GRIK2: variants seen among roughly 807,000 people sequenced by gnomAD.
GRIK2 encodes the protein glutamate receptor ionotropic, kainate 2.
In GRIK2, 32 loss-of-function variants were observed where a neutral mutation model predicts 100.3. That is an observed-to-expected ratio of 0.32 (90% CI 0.24 to 0.43). The LOEUF (loss-of-function observed/expected upper bound fraction) is 0.43, where lower values mean the gene tolerates loss of function less well. Ranked by LOEUF, GRIK2 falls within the 20% of genes least tolerant of loss-of-function variation. The probability of loss-of-function intolerance (pLI) is 1.00; values close to 1 mark genes in which losing one functional copy is unlikely to be tolerated. For missense variants in GRIK2, 843 were observed against 1,114.9 expected (o/e 0.76, Z 3.47); for synonymous variants, 417 against 389.4 (o/e 1.07, Z -0.83).
chr6:102,069,103 T>A lies in GRIK2; in HGVS notation c.*592T>A, dbSNP rs1002271182. 2 of 151,188 alleles carry A rather than the reference T, an allele frequency of 1.3e-5. No homozygotes were observed. The allele number at this position is 151,188 out of a possible 1,614,324, so 9.4% of individuals were successfully genotyped here. On this transcript the variant is annotated 3_prime_UTR_variant, in exon 17 of 17. Transcript: ENST00000369134. ...CATGGCAGTTGGAATATAAAGCAGA[T>A]GTTCATCACTTATTTTCCTTTTTTC...
intron 4 of GRIK2, among the ~76,000 whole-genome samples, chr6:101,663,478 C>T (rs959735428): frequency 6.6e-6 from 1 of 152,090 alleles, no homozygotes; most frequent in African/African-American, 2.4e-5. Context: ...GTCAGTCACA[C>T]CGCCAGGATA....
intron 14 of GRIK2, among the ~76,000 whole-genome samples, chr6:101,936,119 G>A (rs144145530): frequency 1.3e-5 from 2 of 151,656 alleles, no homozygotes; most frequent in East Asian, 3.9e-4. Context: ...AGCTTGATGT[G>A]GTTGATCACC....
At chr6:101,441,972 A>G (rs975613434) in intron 2 of GRIK2, among the ~76,000 whole-genome samples, 2 of 152,114 alleles carry the variant, frequency 1.3e-5, no homozygotes, top group African/African-American at 4.8e-5. Context: ...ACAAAAAAAA[A>G]AAAAGGGGTG....
intron 2 of GRIK2, among the ~76,000 whole-genome samples, chr6:101,591,844 A>T (rs1778657035): frequency 2.0e-5 from 3 of 151,980 alleles, no homozygotes. Flanking sequence ...TTAGTCAGAG[A>T]TTATATTCAT....
intron 14 of GRIK2, among the ~76,000 whole-genome samples, chr6:101,969,639 AT>A (rs1163122312): frequency 6.6e-6 from 1 of 152,092 alleles, no homozygotes; most frequent in African/African-American, 2.4e-5. Context: ...TAATGGAATT[AT>A]TTTTGTCTTC....
At chr6:101,639,735 C>G (rs1781197618) in intron 4 of GRIK2, among the ~76,000 whole-genome samples, 1 of 152,086 alleles carries the variant, frequency 6.6e-6, no homozygotes, top group Non-Finnish European at 1.5e-5. Context: ...ATAACATTAT[C>G]TAAGCATCTA....
Position 101,556,321 on chromosome 6 carries a change from ATTTTTTTTTTTTTT to A in GRIK2, c.116-65610_116-65597del, listed in dbSNP as rs10528480. On this transcript the variant is annotated intron_variant, in intron 2 of 16. Transcript: ENST00000369134. ...AATTGCACTATGTAATATATTGGTA[ATTTTTTTTTTTTTT>A]TTTTTTTTTTTTTTTTTGAGACCGA... 9.3e-4 allele frequency among the ~76,000 whole-genome samples: 55 copies of A among 59,404 alleles called. 1 individual carries two copies. Among genetic ancestry groups the A allele is most frequent in the African/African-American group, 2.4e-3 (43 of 17,922 alleles). The allele number at this position is 59,404 out of a possible 152,430, so 39.0% of individuals were successfully genotyped here.
At chr6:101,984,890 T>G (rs1167415549) in intron 14 of GRIK2, among the ~76,000 whole-genome samples, 1 of 151,676 alleles carries the variant, frequency 6.6e-6, no homozygotes, top group East Asian at 1.9e-4. Flanking sequence ...AATAAAATAG[T>G]AATACATAGA....
chr6:101,474,524 A>G (rs1171749646), intron 2 of GRIK2, among the ~76,000 whole-genome samples: 2 of 151,914 alleles, frequency 1.3e-5, no homozygotes, highest in African/African-American at 4.8e-5. Context: ...TGAGAAGTTC[A>G]GGCTTGAATA....
intron 14 of GRIK2, among the ~76,000 whole-genome samples, chr6:101,989,909 C>G (rs1454733510): frequency 6.6e-6 from 1 of 151,366 alleles, no homozygotes. Flanking sequence ...TAAAAGCACT[C>G]ATTTACTAAA....
intron 2 of GRIK2, among the ~76,000 whole-genome samples, chr6:101,588,645 A>C (rs2128305641): frequency 6.8e-6 from 1 of 148,082 alleles, no homozygotes; most frequent in South Asian, 2.3e-4. Context: ...AACACAGGGA[A>C]ACTGCATGAC....
intron 7 of GRIK2, among the ~76,000 whole-genome samples, chr6:101,789,793 G>A (rs573844218): frequency 9.9e-5 from 15 of 152,236 alleles, no homozygotes; most frequent in African/African-American, 3.4e-4. Context: ...AAATTACCTT[G>A]GGCATTATGG....
intron 12 of GRIK2, among the ~76,000 whole-genome samples, chr6:101,895,248 A>T (rs758125109): frequency 2.6e-5 from 4 of 151,806 alleles, no homozygotes; most frequent in Admixed American, 1.3e-4. Flanking sequence ...GAATATAGGA[A>T]TTTTTTGTGC....
At chr6:101,760,117 C>T (rs978792950) in intron 7 of GRIK2, among the ~76,000 whole-genome samples, 1 of 145,300 alleles carries the variant, frequency 6.9e-6, no homozygotes, top group Admixed American at 6.9e-5. Context: ...GATCCACCCG[C>T]CTCGGCCTCC....
intron 14 of GRIK2, among the ~76,000 whole-genome samples, chr6:102,000,142 T>A (rs1794859734): frequency 6.6e-6 from 1 of 152,028 alleles, no homozygotes; most frequent in Non-Finnish European, 1.5e-5. Flanking sequence ...TTCGGTTATG[T>A]TTGTTTTATA....
At chr6:101,682,660 A>G in intron 6 of GRIK2, 54 bp downstream of exon 6, 2 of 791,326 alleles carry the variant, frequency 2.5e-6, no homozygotes, top group Non-Finnish European at 4.3e-6. Flanking sequence ...TGACTTTTTC[A>G]GATGAAAAAT....
intron 7 of GRIK2, among the ~76,000 whole-genome samples, chr6:101,701,269 A>G (rs1772874087): frequency 6.6e-6 from 1 of 152,032 alleles, no homozygotes; most frequent in South Asian, 2.1e-4. Flanking sequence ...GAGAGAATTT[A>G]AGTAGTGTTG....
At chr6:101,523,931 G>C (rs769541427) in intron 2 of GRIK2, among the ~76,000 whole-genome samples, 1 of 151,788 alleles carries the variant, frequency 6.6e-6, no homozygotes, top group African/African-American at 2.4e-5. Context: ...CATATTGGTC[G>C]GGCTGGCCTC....
chr6:101,935,120 T>A (rs1204930426), intron 14 of GRIK2, among the ~76,000 whole-genome samples: 1 of 151,980 alleles, frequency 6.6e-6, no homozygotes, highest in Admixed American at 6.6e-5. Flanking sequence ...AGTTTGCACA[T>A]GTTTACTATT....
Sources: allele counts gnomAD v4.1 joint callset (sites outside exome capture counted in the v4.1 genomes callset), GRCh38; gene constraint gnomAD v4.1.1; transcripts MANE v1.5; gene names NCBI Gene and HGNC (gene_info 2026-07-23, HGNC 2026-07-21).